Variants in SLC6A11 observed in about 807,000 individuals in gnomAD.
The protein encoded by SLC6A11 is sodium- and chloride-dependent GABA transporter 3.
SLC6A11 carries 25 observed loss-of-function variants against 74.8 expected under a neutral mutation model. The ratio of observed to expected loss-of-function variants is 0.33; its 90% CI spans 0.24 to 0.47. The LOEUF is 0.47. Among genes scored for constraint, SLC6A11 ranks in the 20% least tolerant of loss-of-function variants. SLC6A11 has a pLI of 1.00. For synonymous variants in SLC6A11, 330 were observed against 330.2 expected (o/e 1.00, Z 0.01); for missense variants, 574 against 837.0 (o/e 0.69, Z 3.88).
chr3:10,820,698 C>A (rs1030384781), intron 3 of SLC6A11, among the ~76,000 whole-genome samples: 1 of 152,316 alleles, frequency 6.6e-6, no homozygotes, highest in South Asian at 2.1e-4. Flanking sequence ...CCTGCCCAAT[C>A]CCTGTCTAAG....
At chr3:10,890,396 A>G (rs7612377) in intron 6 of SLC6A11, among the ~76,000 whole-genome samples, 124,388 of 152,160 alleles carry the variant, frequency 0.82, 51,499 homozygotes, top group African/African-American at 0.95. Flanking sequence ...TTGGAAGAAA[A>G]GACTGCAACT....
chr3:10,935,242 G>A (rs371413613), intron 13 of SLC6A11, 43 bp downstream of exon 13: 33 of 1,585,682 alleles, frequency 2.1e-5, no homozygotes, highest in African/African-American at 2.7e-5. Flanking sequence ...GGCAGGGTTC[G>A]CGCCTTGGGT....
intron 5 of SLC6A11, among the ~76,000 whole-genome samples, chr3:10,862,928 G>T (rs566802788): frequency 5.9e-5 from 9 of 152,238 alleles, no homozygotes; most frequent in Non-Finnish European, 1.2e-4. Flanking sequence ...TCAGTGGATG[G>T]ATATGAATGG....
intron 6 of SLC6A11, among the ~76,000 whole-genome samples, chr3:10,899,871 C>T (rs865790656): frequency 6.6e-6 from 1 of 152,090 alleles, no homozygotes; most frequent in South Asian, 2.1e-4. Context: ...GTTGAAATGC[C>T]CCATGGAAAA....
chr3:10,838,463 G>A (rs1324752556), intron 4 of SLC6A11, among the ~76,000 whole-genome samples: 1 of 152,230 alleles, frequency 6.6e-6, no homozygotes, highest in East Asian at 1.9e-4. Flanking sequence ...CTCTCAATCT[G>A]GGGGCAGGGC....
At chr3:10,848,529 C>G (rs965801871) in intron 5 of SLC6A11, among the ~76,000 whole-genome samples, 7 of 152,212 alleles carry the variant, frequency 4.6e-5, no homozygotes, top group African/African-American at 1.4e-4. Flanking sequence ...GAGGGAGATT[C>G]CCTACACCCC....
intron 5 of SLC6A11, among the ~76,000 whole-genome samples, chr3:10,858,948 A>G (rs1694670042): frequency 6.6e-6 from 1 of 152,210 alleles, no homozygotes; most frequent in South Asian, 2.1e-4. Flanking sequence ...TATGCCCAGA[A>G]TGGGCAGCCC....
intron 8 of SLC6A11, among the ~76,000 whole-genome samples, chr3:10,920,207 T>C (rs1559583545): frequency 6.6e-6 from 1 of 151,994 alleles, no homozygotes; most frequent in African/African-American, 2.4e-5. Context: ...CAGAGAGGAG[T>C]AATAGGAAGA....
At chr3:10,870,150 A>C (rs75074976) in intron 5 of SLC6A11, among the ~76,000 whole-genome samples, 6,083 of 152,206 alleles carry the variant, frequency 0.04, 175 homozygotes, top group Middle Eastern at 0.078. Context: ...AGAAGGCTGG[A>C]TCCCTTCCCG....
At chr3:10,819,039 A>G (rs1694100900) in intron 1 of SLC6A11, among the ~76,000 whole-genome samples, 1 of 152,214 alleles carries the variant, frequency 6.6e-6, no homozygotes, top group Non-Finnish European at 1.5e-5. Flanking sequence ...CCAAAGTAAA[A>G]GGAAGGGGTG....
chr3:10,848,372 C>T (rs1694531113), intron 5 of SLC6A11, among the ~76,000 whole-genome samples: 1 of 152,216 alleles, frequency 6.6e-6, no homozygotes, highest in African/African-American at 2.4e-5. Flanking sequence ...CTTGCTGGGA[C>T]AACATTCATA....
intron 10 of SLC6A11, among the ~76,000 whole-genome samples, chr3:10,930,248 G>A (rs1414913631): frequency 6.6e-6 from 1 of 152,042 alleles, no homozygotes; most frequent in African/African-American, 2.4e-5. Flanking sequence ...CATGCCCCCA[G>A]CTCCTAGCAC....
chr3:10,859,791 A>T (rs1433963666), intron 5 of SLC6A11, among the ~76,000 whole-genome samples: 1 of 152,238 alleles, frequency 6.6e-6, no homozygotes, highest in Non-Finnish European at 1.5e-5. Flanking sequence ...ATGTACCAGA[A>T]GGTACATAAT....
chr3:10,860,641 A>G (rs1297574514), intron 5 of SLC6A11, among the ~76,000 whole-genome samples: 1 of 152,250 alleles, frequency 6.6e-6, no homozygotes, highest in African/African-American at 2.4e-5. Flanking sequence ...GGAACTGGCC[A>G]TACTGGGTAA....
chr3:10,905,452 A>G (rs1239850203), intron 6 of SLC6A11, among the ~76,000 whole-genome samples: 1 of 152,226 alleles, frequency 6.6e-6, no homozygotes, highest in Non-Finnish European at 1.5e-5. Flanking sequence ...ATCACAAATC[A>G]TTGGGTGCAA....
At chr3:10,866,886 C>T (rs143526663) in intron 5 of SLC6A11, among the ~76,000 whole-genome samples, 6 of 152,344 alleles carry the variant, frequency 3.9e-5, no homozygotes, top group African/African-American at 1.4e-4. Flanking sequence ...TATGCATTCT[C>T]TTGCATTTTA....
intron 6 of SLC6A11, among the ~76,000 whole-genome samples, chr3:10,883,792 G>T (rs914233005): frequency 6.6e-6 from 1 of 152,046 alleles, no homozygotes; most frequent in Non-Finnish European, 1.5e-5. Flanking sequence ...TGTCCATATC[G>T]ACATCAACAC....
rs116044342 is a variant in SLC6A11 at position 10,879,462 on chromosome 3, G to A, written c.891+4367G>A. ...AGCCCATGAAGAAGCAAGAAGCACTGGTTTCCATTCCTGCTCTCTGCCAGT... is the reference window on the plus strand; with the variant it reads ...AGCCCATGAAGAAGCAAGAAGCACTAGTTTCCATTCCTGCTCTCTGCCAGT... On this transcript the variant is annotated intron_variant, in intron 6 of 13. Transcript: ENST00000254488. Among the ~76,000 whole-genome samples, 253 of 152,278 alleles carry A rather than the reference G, an allele frequency of 1.7e-3. 1 individual carries two copies. The highest frequency in any genetic ancestry group is 6.0e-3 in the African/African-American group (249 of 41,540).
chr3:10,858,878 A>T (rs1353652026), intron 5 of SLC6A11, among the ~76,000 whole-genome samples: 2 of 152,230 alleles, frequency 1.3e-5, no homozygotes, highest in Non-Finnish European at 2.9e-5. Flanking sequence ...TGTGCAGCAT[A>T]TGGGATTGTC....
Sources: allele counts gnomAD v4.1 joint callset (sites outside exome capture counted in the v4.1 genomes callset), GRCh38; gene constraint gnomAD v4.1.1; transcripts MANE v1.5; gene names NCBI Gene and HGNC (gene_info 2026-07-23, HGNC 2026-07-21).